Variants in SLCO1B3 observed in about 807,000 individuals in gnomAD.
SLCO1B3 encodes solute carrier organic anion transporter family member 1B3.
Under a neutral mutation model 71.8 loss-of-function variants are expected in SLCO1B3, and 72 were observed. That is an observed-to-expected ratio of 1.00 (90% CI 0.83 to 1.22). SLCO1B3 has a LOEUF of 1.22. Among genes scored for constraint, SLCO1B3 ranks in the 50% most tolerant of loss-of-function variants. The pLI, the probability that SLCO1B3 is intolerant of heterozygous loss-of-function variation, is 0.00. For missense variants in SLCO1B3, 911 were observed against 819.7 expected, an observed-to-expected ratio of 1.11 and a Z score of -1.36; for synonymous variants, 298 against 278.4, an observed-to-expected ratio of 1.07 and a Z score of -0.70.
At chr12:20,848,403 G>C (rs1040519669) in intron 3 of SLCO1B3, among the ~76,000 whole-genome samples, 6 of 152,122 alleles carry the variant, frequency 3.9e-5, no homozygotes, top group African/African-American at 1.4e-4. Flanking sequence ...AAATGGTAGA[G>C]CCACTTTGTA....
intron 8 of SLCO1B3, among the ~76,000 whole-genome samples, chr12:20,864,104 T>G (rs972654861): frequency 6.6e-6 from 1 of 152,168 alleles, no homozygotes; most frequent in African/African-American, 2.4e-5. Flanking sequence ...ATCTCACACT[T>G]CCCTTTATTT....
At chr12:20,822,838 A>T (rs967281660) in intron 3 of SLCO1B3, among the ~76,000 whole-genome samples, 1 of 152,138 alleles carries the variant, frequency 6.6e-6, no homozygotes, top group African/African-American at 2.4e-5. Flanking sequence ...TTTTAGCTTA[A>T]TTTTGTTTCT....
rs927299017 is a variant in SLCO1B3 at position 20,916,066 on chromosome 12, T to C, written c.1928T>C (p.Phe643Ser). 3.1e-6 allele frequency: 5 copies of C among 1,611,542 alleles called. No individual in the cohort carries two copies. The highest frequency in any genetic ancestry group is 4.2e-6 in the Non-Finnish European group (5 of 1,177,974). Residue 643 changes from phenylalanine (F) to serine (S), a missense_variant, in exon 16 of 16, where the codon TTC (phenylalanine) becomes TCC (serine). Physicochemically the swap from Phe to Ser is radical, Grantham distance 155 (BLOSUM62 -2). Coordinates refer to ENST00000381545, the MANE Select transcript of SLCO1B3 (RefSeq NM_019844.4). Reference sequence around the variant, plus strand: ...CCAGCACTTGTTTTATATATTGTTTTCATTTTTGCTATGAAGAAAAAATTT... The same window carrying C: ...CCAGCACTTGTTTTATATATTGTTTCCATTTTTGCTATGAAGAAAAAATTT... ...RFPALVLYIV[F>S]IFAMKKKFQG...
intron 8 of SLCO1B3, among the ~76,000 whole-genome samples, chr12:20,869,077 G>A (rs1229669030): frequency 1.3e-5 from 2 of 152,112 alleles, no homozygotes; most frequent in East Asian, 1.9e-4. Flanking sequence ...GGATAACTGC[G>A]GGCAAGCCTG....
intron 15 of SLCO1B3, among the ~76,000 whole-genome samples, chr12:20,906,746 T>G (rs1866254215): frequency 6.6e-6 from 1 of 152,188 alleles, no homozygotes; most frequent in African/African-American, 2.4e-5. Context: ...GTTATAATTG[T>G]AGTTCTGTTA....
chr12:20,843,632 T>A (rs1300583117), intron 3 of SLCO1B3, among the ~76,000 whole-genome samples: 2 of 151,850 alleles, frequency 1.3e-5, no homozygotes, highest in African/African-American at 4.8e-5. Flanking sequence ...TACAAAAAAA[T>A]TAGCTGGGTG....
intron 3 of SLCO1B3, among the ~76,000 whole-genome samples, chr12:20,818,698 G>C (rs1440948944): frequency 1.3e-5 from 2 of 152,374 alleles, no homozygotes; most frequent in East Asian, 3.9e-4. Context: ...CGGGCTAGTG[G>C]CTTGTACTAT....
At chr12:20,813,964 G>A (rs1479960084) in intron 2 of SLCO1B3, among the ~76,000 whole-genome samples, 1 of 151,680 alleles carries the variant, frequency 6.6e-6, no homozygotes, top group Non-Finnish European at 1.5e-5. Flanking sequence ...ATTACAAATC[G>A]GATGCTTATA....
At chr12:20,910,266 T>C (rs1866347152) in intron 15 of SLCO1B3, among the ~76,000 whole-genome samples, 1 of 152,204 alleles carries the variant, frequency 6.6e-6, no homozygotes, top group Non-Finnish European at 1.5e-5. Context: ...TGACTGTATT[T>C]AAGTGGGTCT....
At chr12:20,852,586 A>G (rs1279983817) in intron 3 of SLCO1B3, among the ~76,000 whole-genome samples, 2 of 152,200 alleles carry the variant, frequency 1.3e-5, no homozygotes, top group Admixed American at 6.5e-5. Flanking sequence ...TGAGAATTGA[A>G]TGTTTCCCAT....
At chr12:20,877,031 G>A (rs147654565) in intron 9 of SLCO1B3, among the ~76,000 whole-genome samples, 4,033 of 152,054 alleles carry the variant, frequency 0.027, 76 homozygotes, top group Middle Eastern at 0.041. Context: ...GGGTTTCACC[G>A]TGTTGGCCAG....
chr12:20,849,268 T>C (rs866317553), intron 3 of SLCO1B3, among the ~76,000 whole-genome samples: 19 of 151,968 alleles, frequency 1.3e-4, no homozygotes, highest in Admixed American at 2.6e-4. Flanking sequence ...ATTAAATACA[T>C]GAAACTCAAA....
At chr12:20,912,890 T>C (rs543070800) in intron 15 of SLCO1B3, among the ~76,000 whole-genome samples, 3,210 of 151,268 alleles carry the variant, frequency 0.021, 59 homozygotes, top group Non-Finnish European at 0.034. Context: ...TTGATCAGTC[T>C]TGTGTCAAAT....
At chr12:20,890,494 T>A (rs1216679237) in intron 13 of SLCO1B3, among the ~76,000 whole-genome samples, 2 of 151,268 alleles carry the variant, frequency 1.3e-5, no homozygotes, top group Non-Finnish European at 2.9e-5. Context: ...GGTTGTAGGG[T>A]AAAATGTTCT....
intron 8 of SLCO1B3, among the ~76,000 whole-genome samples, chr12:20,873,562 C>T (rs1383192162): frequency 1.3e-5 from 2 of 152,124 alleles, no homozygotes; most frequent in Non-Finnish European, 2.9e-5. Context: ...ATGTGCAGTC[C>T]AGCCCTTTCT....
At chr12:20,854,183 T>C (rs923710722) in intron 3 of SLCO1B3, among the ~76,000 whole-genome samples, 1 of 152,166 alleles carries the variant, frequency 6.6e-6, no homozygotes, top group Non-Finnish European at 1.5e-5. Flanking sequence ...TCTGTTGTTA[T>C]TTGATAGAGA....
intron 3 of SLCO1B3, among the ~76,000 whole-genome samples, chr12:20,822,907 T>C (rs12813686): frequency 6.6e-6 from 1 of 152,216 alleles, no homozygotes. Context: ...CCTGCCTTTT[T>C]CCTTTTAAAA....
intron 15 of SLCO1B3, among the ~76,000 whole-genome samples, chr12:20,905,499 CTT>C (rs1866225359): frequency 2.0e-5 from 3 of 152,154 alleles, no homozygotes; most frequent in South Asian, 2.1e-4. Context: ...TGAGTAAACA[CTT>C]TTAGAAACAG....
chr12:20,865,030 G>A (rs1246045003), intron 8 of SLCO1B3, among the ~76,000 whole-genome samples: 1 of 152,158 alleles, frequency 6.6e-6, no homozygotes, highest in African/African-American at 2.4e-5. Context: ...TGGTTTTCCA[G>A]AGAATCCAGG....
Sources: gnomAD v4.1 joint callset for allele counts (sites outside exome capture counted in the v4.1 genomes callset) on GRCh38, gnomAD v4.1.1 for gene constraint, MANE v1.5 for transcripts, NCBI Gene and HGNC (gene_info 2026-07-23, HGNC 2026-07-21) for gene names.